The following IL33 variants were observed in gnomAD, a reference collection of about 807,000 sequenced individuals.
IL33 encodes the protein interleukin 33, also known as interleukin-33.
Under a neutral mutation model 27.3 loss-of-function variants are expected in IL33, and 37 were observed. That is an observed-to-expected ratio of 1.36 (90% CI 1.04 to 1.78). The LOEUF is 1.78. Among genes scored for constraint, IL33 ranks in the 40% most tolerant of loss-of-function variants. The pLI is 0.00. For missense variants in IL33, 406 were observed against 311.4 expected (o/e 1.30, Z -2.29); for synonymous variants, 132 against 102.9 (o/e 1.28, Z -1.71).
chr9:6,248,722 A>C (rs1010649157), intron 2 of IL33, among the ~76,000 whole-genome samples: 27 of 151,868 alleles, frequency 1.8e-4, no homozygotes, highest in African/African-American at 6.5e-4. Context: ...CTACAGGAGC[A>C]GGCCACCATG....
Position 6,257,196 on chromosome 9 carries a change from T to A in IL33, c.*1028T>A, listed in dbSNP as rs1455498275. The A allele has an allele frequency of 3.9e-5, 6 of 152,220 alleles. No homozygotes were observed. The highest frequency in any genetic ancestry group is 8.8e-5 in the Non-Finnish European group (6 of 68,024). The allele number at this position is 152,220 out of a possible 1,614,324, so 9.4% of individuals were successfully genotyped here. On this transcript the variant is annotated 3_prime_UTR_variant, in exon 8 of 8. Coordinates refer to ENST00000682010, the MANE Select transcript of IL33 (RefSeq NM_033439.4). ...CTGGCTTCCAGGGACCTATGTCTTTTAATACTCACTGTCACATTGGGCAAA... is the reference window on the plus strand; with the variant it reads ...CTGGCTTCCAGGGACCTATGTCTTTAAATACTCACTGTCACATTGGGCAAA...
intron 1 of IL33, among the ~76,000 whole-genome samples, chr9:6,237,870 G>C (rs1819321089): frequency 6.6e-6 from 1 of 152,050 alleles, no homozygotes; most frequent in South Asian, 2.1e-4. Context: ...TTTTATGTTA[G>C]TAAAGTGTTA....
intron 1 of IL33, among the ~76,000 whole-genome samples, chr9:6,216,843 T>A (rs1006480867): frequency 2.0e-5 from 3 of 152,236 alleles, no homozygotes; most frequent in African/African-American, 7.2e-5. Context: ...TCTTTAGTTC[T>A]TTTTTCTTAA....
intron 1 of IL33, among the ~76,000 whole-genome samples, chr9:6,224,873 C>T (rs1183264128): frequency 6.6e-6 from 1 of 152,116 alleles, no homozygotes; most frequent in Admixed American, 6.5e-5. Context: ...GCAGTGAACT[C>T]AGGCAGAATA....
At chr9:6,217,878 A>C (rs183326174) in intron 1 of IL33, among the ~76,000 whole-genome samples, 1 of 146,818 alleles carries the variant, frequency 6.8e-6, no homozygotes, top group East Asian at 1.9e-4. Context: ...TAGGGCAAAG[A>C]CCCGTATTTC....
At chr9:6,219,889 C>T (rs1818337305) in intron 1 of IL33, among the ~76,000 whole-genome samples, 1 of 152,118 alleles carries the variant, frequency 6.6e-6, no homozygotes, top group East Asian at 1.9e-4. Context: ...CAGTAAATTT[C>T]AGATCAGAGA....
rs1287688566 is a variant in IL33, at chr9:6,254,550, G to T, written c.609G>T (p.Val203=). The change falls in exon 7 of 8, where the codon GTG becomes GTT. Residue 203 remains valine, a synonymous_variant. Transcript: ENST00000682010. ...ATGCCAACAACAAGGAACACTCTGT[G>T]GAGGTAAAAAAAAAAAATTTATCTA... The part of the protein sequence containing the change: ...WLHANNKEHS[V]ELHKCEKPLP... 4 of 1,563,798 alleles carry T rather than the reference G, an allele frequency of 2.6e-6. No homozygotes were observed. The East Asian group carries it at 6.8e-5, about 26-fold the overall frequency.
chr9:6,249,761 C>T (rs1816221494), intron 2 of IL33, among the ~76,000 whole-genome samples: 1 of 152,158 alleles, frequency 6.6e-6, no homozygotes, highest in African/African-American at 2.4e-5. Context: ...CTCCTGAGAG[C>T]CTCAGATTAT....
At chr9:6,245,309 A>C (rs957901875) in intron 2 of IL33, among the ~76,000 whole-genome samples, 1 of 152,262 alleles carries the variant, frequency 6.6e-6, no homozygotes, top group African/African-American at 2.4e-5. Context: ...TCTCTAAAAA[A>C]ATCCAAAGAT....
In IL33 at chr9:6,252,804, C is replaced by CA. The variant is rs1198790703; in HGVS notation, c.344-61dup. On this transcript the variant is annotated intron_variant, in intron 4 of 7. Coordinates refer to ENST00000682010, the MANE Select transcript of IL33 (RefSeq NM_033439.4). ...ATTGCAAAAATGTTTTTTGAGGGAG[C>CA]ATTTTTTAAAAAGGTTGCCAAAAGA... 12 of 1,580,390 alleles carry CA rather than the reference C, an allele frequency of 7.6e-6. No homozygotes were observed. In the African/African-American group the frequency reaches 1.2e-4, roughly 16 times the overall value.
chr9:6,234,114 A>T (rs921412193), intron 1 of IL33, among the ~76,000 whole-genome samples: 1 of 152,002 alleles, frequency 6.6e-6, no homozygotes, highest in Admixed American at 6.6e-5. Context: ...TTCCCCTTAC[A>T]TGTTAGATAT....
intron 2 of IL33, chr9:6,242,124 A>C (rs1819561660): frequency 6.1e-6 from 1 of 163,308 alleles, no homozygotes; most frequent in African/African-American, 2.4e-5. Context: ...TCCCTGATAA[A>C]CTAGCAAACT....
chr9:6,234,046 G>T (rs912659629), intron 1 of IL33, among the ~76,000 whole-genome samples: 6 of 152,116 alleles, frequency 3.9e-5, no homozygotes, highest in Non-Finnish European at 8.8e-5. Context: ...TTCATAATAT[G>T]AACTCTTCTT....
In IL33 at chr9:6,256,529, A is replaced by C. The variant is rs1048279; in HGVS notation, c.*361A>C. On this transcript the variant is annotated 3_prime_UTR_variant, in exon 8 of 8. Coordinates refer to ENST00000682010, the MANE Select transcript of IL33 (RefSeq NM_033439.4). ...GGAAAGAGCCATAGCTTAAGTCTCT[A>C]TGTAGACAGGGATCCATTTTAAAGA... 0.96 allele frequency: 359,191 copies of C among 375,770 alleles called. 171,729 individuals are homozygous for C. Among genetic ancestry groups the C allele is most frequent in the East Asian group, 1 (27,303 of 27,306 alleles). 23.3% of individuals were successfully genotyped at this position (375,770 alleles called of 1,614,324 possible).
Position 6,254,569 on chromosome 9 carries a change from T to G in IL33, c.612+16T>G, listed in dbSNP as rs1816615659. On this transcript the variant is annotated intron_variant, in intron 7 of 7. Transcript: ENST00000682010. ...CTCTGTGGAGGTAAAAAAAAAAAATTTATCTATATCTATATATATGATTAC... is the reference window on the plus strand; with the variant it reads ...CTCTGTGGAGGTAAAAAAAAAAAATGTATCTATATCTATATATATGATTAC... 7.6e-7 allele frequency: 1 copy of G among 1,323,700 alleles called. No homozygotes were observed. Among genetic ancestry groups the G allele is most frequent in the Non-Finnish European group, 1.0e-6 (1 of 959,306 alleles). The allele number at this position is 1,323,700 out of a possible 1,614,324, so 82.0% of individuals were successfully genotyped here.
At position 6,253,671 on chromosome 9, in the gene IL33, A is replaced by T. The variant is rs142788426; in HGVS notation, c.520+69A>T. 3.9e-4 allele frequency: 502 copies of T among 1,272,052 alleles called. 1 individual carries two copies. The African/African-American group carries it at 6.4e-3, about 16-fold the overall frequency. 78.8% of individuals were successfully genotyped at this position (1,272,052 alleles called of 1,614,324 possible). On this transcript the variant is annotated intron_variant, in intron 6 of 7. Coordinates refer to ENST00000682010, the MANE Select transcript of IL33 (RefSeq NM_033439.4). ...TATGGGGTAAAGATAAATCCAAAAA[A>T]ATCCTTTTTGCCCCATAGGAAAAAA...
chr9:6,250,676 T>C, intron 3 of IL33, 77 bp downstream of exon 3: 1 of 1,494,058 alleles, frequency 6.7e-7, no homozygotes, highest in Non-Finnish European at 9.0e-7. Context: ...AAATATGCAA[T>C]TATTTTTCCT....
At chr9:6,219,718 T>C (rs1818331627) in intron 1 of IL33, among the ~76,000 whole-genome samples, 1 of 152,136 alleles carries the variant, frequency 6.6e-6, no homozygotes, top group African/African-American at 2.4e-5. Context: ...GAAGCAGTCA[T>C]CAAAGGTAAT....
At position 6,239,671 on chromosome 9, in the gene IL33, G is replaced by A. The variant is rs557100299; in HGVS notation, c.-11-2013G>A. ...AACTTCTGCTCTAACCTCACCCTTGGTGTGTCCACCTTCCTTGATTTCCTC... is the reference window on the plus strand; with the variant it reads ...AACTTCTGCTCTAACCTCACCCTTGATGTGTCCACCTTCCTTGATTTCCTC... On this transcript the variant is annotated intron_variant, in intron 1 of 7. Coordinates refer to ENST00000682010, the MANE Select transcript of IL33 (RefSeq NM_033439.4). 3.3e-5 allele frequency among the ~76,000 whole-genome samples: 5 copies of A among 151,992 alleles called. No homozygotes were observed. In the South Asian group the frequency reaches 1.0e-3, roughly 32 times the overall value.
Sources: allele counts gnomAD v4.1 joint callset (sites outside exome capture counted in the v4.1 genomes callset), GRCh38; gene constraint gnomAD v4.1.1; transcripts MANE v1.5; gene names NCBI Gene and HGNC (gene_info 2026-07-23, HGNC 2026-07-21).